Variants in SPTBN1 observed in about 807,000 individuals in gnomAD.
The protein encoded by SPTBN1 is spectrin beta chain, non-erythrocytic 1.
In SPTBN1, 32 loss-of-function variants were observed where a neutral mutation model predicts 266.4. The observed-to-expected ratio is 0.12, with a 90% CI of 0.09 to 0.16. The LOEUF (loss-of-function observed/expected upper bound fraction) is 0.16. Ranked by LOEUF, SPTBN1 falls within the 10% of genes least tolerant of loss-of-function variation. The pLI, the probability that SPTBN1 is intolerant of heterozygous loss-of-function variation, is 1.00. For missense variants in SPTBN1, 2,296 were observed against 3,067.1 expected, an observed-to-expected ratio of 0.75 and a Z score of 5.94; for synonymous variants, 1,336 against 1,162.2, an observed-to-expected ratio of 1.15 and a Z score of -3.04.
chr2:54,667,002 G>A (rs1681413334), intron 34 of SPTBN1, among the ~76,000 whole-genome samples: 1 of 152,170 alleles, frequency 6.6e-6, no homozygotes, highest in Non-Finnish European at 1.5e-5. Flanking sequence ...AGAGAGCTGG[G>A]ATATTAGCGA....
At chr2:54,469,990 G>A (rs1469521114) in intron 1 of SPTBN1, among the ~76,000 whole-genome samples, 2 of 152,144 alleles carry the variant, frequency 1.3e-5, no homozygotes, top group Non-Finnish European at 2.9e-5. Flanking sequence ...TTCAAAGGTA[G>A]GTTTTTGTCT....
intron 2 of SPTBN1, 97 bp from the exon 3 acceptor site, chr2:54,598,995 G>C (rs1676291002): frequency 6.9e-7 from 1 of 1,457,094 alleles, no homozygotes; most frequent in Admixed American, 1.9e-5. Flanking sequence ...CAGTTTTGCT[G>C]ACCTTCCTCT....
intron 1 of SPTBN1, among the ~76,000 whole-genome samples, chr2:54,514,764 C>G (rs892184076): frequency 1.3e-5 from 2 of 152,214 alleles, no homozygotes; most frequent in Non-Finnish European, 2.9e-5. Flanking sequence ...AAAACTCTAA[C>G]TGAGACAGTG....
At chr2:54,654,829 A>G (rs746035701) in intron 27 of SPTBN1, among the ~76,000 whole-genome samples, 20 of 152,236 alleles carry the variant, frequency 1.3e-4, no homozygotes, top group Admixed American at 2.0e-4. Flanking sequence ...ATTCAGGCAC[A>G]CACACAAAAA....
At position 54,645,834 on chromosome 2, in the gene SPTBN1, A is replaced by G; in HGVS notation, c.4495-94A>G. 7.3e-7 allele frequency: 1 copy of G among 1,377,690 alleles called. No individual in the cohort carries two copies. Among genetic ancestry groups the G allele is most frequent in the Non-Finnish European group, 1.0e-6 (1 of 979,026 alleles). 85.3% of individuals were successfully genotyped at this position (1,377,690 alleles called of 1,614,324 possible). ...GGGGGCTGAGCACTCTCTGAAGCTC[A>G]CCCTTGCTGTCCCTCACTGCCCCTC... On this transcript the variant is annotated intron_variant, in intron 21 of 35. Coordinates refer to ENST00000356805, the MANE Select transcript of SPTBN1 (RefSeq NM_003128.3). The surrounding 1 kb of genome is among the most constrained non-coding windows in gnomAD (Gnocchi z 4.3).
intron 2 of SPTBN1, among the ~76,000 whole-genome samples, chr2:54,594,829 G>GTTTTTTTTTTTTTTTTTTTTTT (rs566074908): frequency 1.3e-4 from 6 of 46,378 alleles, no homozygotes; most frequent in African/African-American, 1.0e-3. Context: ...CCTCTGGTAA[G>GTTTTTTTTTTTTTTTTTTTTTT]TTTCTTTTTT....
chr2:54,564,543 C>T (rs900772815), intron 2 of SPTBN1, among the ~76,000 whole-genome samples: 6 of 152,180 alleles, frequency 3.9e-5, no homozygotes, highest in African/African-American at 1.4e-4. Context: ...TGGGATTTGA[C>T]TCCAGTCCCA....
At chr2:54,474,993 T>G (rs1667750101) in intron 1 of SPTBN1, among the ~76,000 whole-genome samples, 1 of 151,698 alleles carries the variant, frequency 6.6e-6, no homozygotes, top group South Asian at 2.1e-4. Context: ...GGCCACATGG[T>G]GAAAATACAA....
chr2:54,603,861 C>T, intron 3 of SPTBN1, among the ~76,000 whole-genome samples: 1 of 152,210 alleles, frequency 6.6e-6, no homozygotes, highest in Admixed American at 6.5e-5. Flanking sequence ...GTGCCTGTCA[C>T]ACTGATTTGC....
intron 2 of SPTBN1, among the ~76,000 whole-genome samples, chr2:54,532,031 T>G (rs1482836801): frequency 6.6e-6 from 1 of 152,186 alleles, no homozygotes; most frequent in African/African-American, 2.4e-5. Flanking sequence ...GGCTCACGTT[T>G]GTAATCTCAA....
At chr2:54,622,996 T>TA (rs1206704992) in intron 9 of SPTBN1, among the ~76,000 whole-genome samples, 3 of 152,222 alleles carry the variant, frequency 2.0e-5, no homozygotes, top group Non-Finnish European at 2.9e-5. Flanking sequence ...TTTTTTTTCA[T>TA]ATCTTTTTTA....
chr2:54,643,972 A>T (rs569220315), intron 19 of SPTBN1, among the ~76,000 whole-genome samples: 1 of 87,240 alleles, frequency 1.1e-5, no homozygotes, highest in Non-Finnish European at 2.2e-5. Flanking sequence ...ACTCTGTCTC[A>T]ATATAATAAC....
At chr2:54,490,983 T>C (rs1668657211) in intron 1 of SPTBN1, among the ~76,000 whole-genome samples, 1 of 151,818 alleles carries the variant, frequency 6.6e-6, no homozygotes, top group African/African-American at 2.4e-5. Context: ...AAAAGACAAG[T>C]GAGGAGGGTG....
intron 1 of SPTBN1, among the ~76,000 whole-genome samples, chr2:54,460,685 G>A (rs1184358486): frequency 6.6e-6 from 1 of 152,140 alleles, no homozygotes; most frequent in Non-Finnish European, 1.5e-5. Flanking sequence ...ACAAAATAAT[G>A]TTCCTAAAAT....
In SPTBN1 at chr2:54,653,833, C is replaced by A. The variant is rs781563729; in HGVS notation, c.5802C>A (p.Ile1934=). The stretch of plus-strand genomic sequence containing the variant: ...GGATGGAGGATGTCATCCGGCAGAT[C>A]GAGGCCCAGGAGAAGCCAAGGTAAC... ...MLWMEDVIRQ[I]EAQEKPRDVS... The change falls in exon 27 of 36, where the codon ATC becomes ATA. Residue 1934 remains isoleucine (I), a synonymous_variant. Transcript: ENST00000356805. This position sits in a 1 kb window ranked among gnomAD's most constrained non-coding sequence, Gnocchi z 5.1. 1 of 1,612,948 alleles carries A rather than the reference C, an allele frequency of 6.2e-7. No individual in the cohort carries two copies. Among genetic ancestry groups the A allele is most frequent in the South Asian group, 1.1e-5 (1 of 90,902 alleles).
At chr2:54,473,687 T>G (rs1307105370) in intron 1 of SPTBN1, among the ~76,000 whole-genome samples, 1 of 152,228 alleles carries the variant, frequency 6.6e-6, no homozygotes, top group Admixed American at 6.5e-5. Context: ...TCTATTAATT[T>G]AGAGTGTGCA....
At position 54,655,143 on chromosome 2, in the gene SPTBN1, A is replaced by C; in HGVS notation, c.5896A>C (p.Ser1966Arg). ...IKAEIDARND[S>R]FTTCIELGKS... is the part of the protein sequence containing the mutation. ...AGCTGAAATTGATGCACGTAATGAC[A>C]GTTTCACAACCTGCATTGAACTTGG... The change falls in exon 28 of 36, where the codon AGT becomes CGT. Residue 1966 changes from serine (S) to arginine (R), a missense_variant. This residue lies in a region of SPTBN1 where 644 missense variants were observed against 745.3 expected (regional missense o/e 0.86). Coordinates refer to ENST00000356805, the MANE Select transcript of SPTBN1 (RefSeq NM_003128.3). 1 of 1,614,250 alleles carries C rather than the reference A, an allele frequency of 6.2e-7. No homozygotes were observed. Among genetic ancestry groups the C allele is most frequent in the Non-Finnish European group, 8.5e-7 (1 of 1,180,042 alleles).
At chr2:54,497,462 C>A (rs1669028741) in intron 1 of SPTBN1, among the ~76,000 whole-genome samples, 2 of 152,166 alleles carry the variant, frequency 1.3e-5, no homozygotes, top group Non-Finnish European at 2.9e-5. Flanking sequence ...CTTTATTGAT[C>A]TGCCTCTTGA....
chr2:54,661,378 G>C, intron 32 of SPTBN1: 1 of 985,778 alleles, frequency 1.0e-6, no homozygotes, highest in Non-Finnish European at 1.2e-6. Context: ...TCAGAAACCT[G>C]TTTTGATATG....
Sources: gnomAD v4.1 joint callset for allele counts (sites outside exome capture counted in the v4.1 genomes callset) on GRCh38, gnomAD v4.1.1 for gene constraint, gnomAD v4.1.1 regional missense constraint, Gnocchi (gnomAD v3.1) non-coding constraint, MANE v1.5 for transcripts, NCBI Gene and HGNC (gene_info 2026-07-23, HGNC 2026-07-21) for gene names.